The following GREB1 variants were observed in gnomAD, a reference collection of about 807,000 sequenced individuals.
GREB1 encodes growth regulating estrogen receptor binding 1, also known as protein GREB1.
Under a neutral mutation model 200.7 loss-of-function variants are expected in GREB1, and 106 were observed. The ratio of observed to expected loss-of-function variants is 0.53; its 90% CI spans 0.45 to 0.62. The LOEUF (loss-of-function observed/expected upper bound fraction) is 0.62, where lower values mean the gene tolerates loss of function less well. GREB1 is among the 20% of genes least tolerant of loss of function. The pLI is 0.00. For synonymous variants in GREB1, 1,132 were observed against 1,092.4 expected, an observed-to-expected ratio of 1.04 and a Z score of -0.72; for missense variants, 2,243 against 2,556.8, an observed-to-expected ratio of 0.88 and a Z score of 2.65.
At chr2:11,517,972 T>C (rs1209437580) in intron 1 of GREB1, among the ~76,000 whole-genome samples, 1 of 152,230 alleles carries the variant, frequency 6.6e-6, no homozygotes, top group Non-Finnish European at 1.5e-5. Flanking sequence ...TGCTGGTAAC[T>C]TCACAATACC....
intron 16 of GREB1, 103 bp downstream of exon 16, chr2:11,601,098 G>A (rs566880998): frequency 2.3e-6 from 2 of 884,546 alleles, no homozygotes; most frequent in Middle Eastern, 3.1e-4. Context: ...AGGATAATGG[G>A]TTCCAGCTCC....
intron 7 of GREB1, among the ~76,000 whole-genome samples, chr2:11,583,279 G>A (rs1476955882): frequency 6.6e-6 from 1 of 152,198 alleles, no homozygotes; most frequent in African/African-American, 2.4e-5. Flanking sequence ...TTTTAGAGGA[G>A]CTGGCTGCTT....
In GREB1 at chr2:11,637,921, C is replaced by T; in HGVS notation, c.5547+5C>T. ...TACCTGAACCTGGGATCTCAGGTGACTTTCAGAGGGGGTGCTGTCGAATCC... is the reference window on the plus strand; with the variant it reads ...TACCTGAACCTGGGATCTCAGGTGATTTTCAGAGGGGGTGCTGTCGAATCC... On this transcript the variant is annotated splice_donor_5th_base_variant and intron_variant, in intron 31 of 32. Transcript: ENST00000381486. The T allele has an allele frequency of 6.2e-7, 1 of 1,610,934 alleles. No homozygotes were observed. The highest frequency in any genetic ancestry group is 8.5e-7 in the Non-Finnish European group (1 of 1,177,432).
intron 16 of GREB1, among the ~76,000 whole-genome samples, chr2:11,601,448 T>A (rs1294131481): frequency 6.6e-6 from 1 of 152,230 alleles, no homozygotes; most frequent in Non-Finnish European, 1.5e-5. Flanking sequence ...ACTGAACACA[T>A]ATCCTCAAAA....
intron 4 of GREB1, among the ~76,000 whole-genome samples, chr2:11,575,951 TA>T (rs1678810772): frequency 6.6e-6 from 1 of 152,218 alleles, no homozygotes; most frequent in Non-Finnish European, 1.5e-5. Context: ...TCTCTATCAC[TA>T]AGTCTTCCTG....
intron 1 of GREB1, among the ~76,000 whole-genome samples, chr2:11,484,021 T>G (rs1338524117): frequency 6.6e-6 from 1 of 152,236 alleles, no homozygotes; most frequent in Non-Finnish European, 1.5e-5. Flanking sequence ...CTTTAATTTC[T>G]GCATTTAACC....
rs113557904 is a variant in GREB1, at chr2:11,571,712, AT to A, written c.455-4631del. ...ACAATACCCAATTAATGAACCATGC[AT>A]TTTTTTTTTCTTTTTGAGACGGAGT... On this transcript the variant is annotated intron_variant, in intron 4 of 32. Transcript: ENST00000381486. Among the ~76,000 whole-genome samples the A allele has an allele frequency of 2.7e-4, 40 of 149,182 alleles. No homozygotes were observed. The East Asian group carries it at 3.5e-3, about 13-fold the overall frequency.
intron 22 of GREB1, among the ~76,000 whole-genome samples, chr2:11,619,395 TG>T (rs1441709570): frequency 1.3e-5 from 2 of 152,108 alleles, no homozygotes; most frequent in African/African-American, 2.4e-5. Context: ...CGTGAGCCTG[TG>T]GGGAGGAGGA....
chr2:11,607,082 ATTATTATTATTTT>A (rs1251825458), intron 17 of GREB1, among the ~76,000 whole-genome samples: 1 of 149,366 alleles, frequency 6.7e-6, no homozygotes, highest in Non-Finnish European at 1.5e-5. Flanking sequence ...TGCCTTGCCT[ATTATTATTATTTT>A]TTAGAGAAAA....
chr2:11,626,344 T>G (rs1684451201), intron 24 of GREB1, among the ~76,000 whole-genome samples: 1 of 151,910 alleles, frequency 6.6e-6, no homozygotes, highest in Non-Finnish European at 1.5e-5. Context: ...TCTCAGCACT[T>G]TGGGAGGCTG....
In GREB1 at chr2:11,618,198, GTGACT is replaced by G. The variant is rs1558643918; in HGVS notation, c.3413-89_3413-85del. The G allele has an allele frequency of 5.5e-5, 65 of 1,192,300 alleles. 1 individual carries two copies. The East Asian group carries it at 8.1e-4, about 15-fold the overall frequency. The allele number at this position is 1,192,300 out of a possible 1,614,324, so 73.9% of individuals were successfully genotyped here. ...CTGGGACAGGTCACTCCTGGGATGGGTGACTCCTGGGACAGGTCACTCCTGGGATG... is the reference window on the plus strand; with the variant it reads ...CTGGGACAGGTCACTCCTGGGATGGGCCTGGGACAGGTCACTCCTGGGATG... On this transcript the variant is annotated intron_variant, in intron 21 of 32. Transcript: ENST00000381486.
intron 11 of GREB1, among the ~76,000 whole-genome samples, chr2:11,594,156 G>A (rs1219750520): frequency 6.6e-6 from 1 of 151,886 alleles, no homozygotes; most frequent in Non-Finnish European, 1.5e-5. Context: ...TACTACAGGT[G>A]TGCACCACCA....
At chr2:11,588,588 G>T (rs1046847951) in intron 9 of GREB1, 158 bp from the exon 10 acceptor site, 6 of 725,924 alleles carry the variant, frequency 8.3e-6, no homozygotes, top group African/African-American at 3.5e-5. Flanking sequence ...GGGTGAGCAG[G>T]TGCACTCAAT....
Sources: gnomAD v4.1 joint callset for allele counts (sites outside exome capture counted in the v4.1 genomes callset) on GRCh38, gnomAD v4.1.1 for gene constraint, MANE v1.5 for transcripts, NCBI Gene and HGNC (gene_info 2026-07-23, HGNC 2026-07-21) for gene names.